Variants in GABPB1 observed in about 807,000 individuals in gnomAD.
GABPB1 encodes GA binding protein transcription factor subunit beta 1.
Under a neutral mutation model 45.9 loss-of-function variants are expected in GABPB1, and 15 were observed. The ratio of observed to expected loss-of-function variants is 0.33; its 90% CI spans 0.22 to 0.50. The LOEUF (loss-of-function observed/expected upper bound fraction) is 0.50, where lower values mean the gene tolerates loss of function less well. Among genes scored for constraint, GABPB1 ranks in the 20% least tolerant of loss-of-function variants. The pLI is 0.98. For synonymous variants in GABPB1, 143 were observed against 154.4 expected (o/e 0.93, Z 0.55); for missense variants, 252 against 457.5 (o/e 0.55, Z 4.10).
intron 1 of GABPB1, among the ~76,000 whole-genome samples, chr15:50,323,446 G>A (rs546407306): frequency 5.3e-5 from 8 of 152,246 alleles, no homozygotes; most frequent in African/African-American, 9.6e-5. Context: ...AAAAAAACAC[G>A]TGCAGAGGCA....
chr15:50,332,597 T>A (rs1011448374), intron 1 of GABPB1, among the ~76,000 whole-genome samples: 2 of 152,104 alleles, frequency 1.3e-5, no homozygotes, highest in Non-Finnish European at 2.9e-5. Flanking sequence ...TATTTATGGG[T>A]TAAATAATGT....
chr15:50,291,422 G>A (rs944733896), intron 6 of GABPB1, among the ~76,000 whole-genome samples: 4 of 151,338 alleles, frequency 2.6e-5, no homozygotes, highest in Non-Finnish European at 4.4e-5. Context: ...GAGTTCAAGC[G>A]ATTCTTCTGC....
Position 50,289,571 on chromosome 15 carries a change from T to C in GABPB1, c.795A>G (p.Thr265=). The C allele has an allele frequency of 1.2e-6, 2 of 1,613,934 alleles. No individual in the cohort carries two copies. Among genetic ancestry groups the C allele is most frequent in the African/African-American group, 2.7e-5 (2 of 75,020 alleles). The change falls in exon 7 of 9, where the codon ACA becomes ACG. Residue 265 remains threonine, a synonymous_variant. Transcript: ENST00000380877. ...SGGQQVITIV[T]DGIQLGNLHS... The stretch of plus-strand genomic sequence containing the variant: ...GCAAATTTCCAAGCTGAATTCCATC[T>C]GTAACTATTGTGATGACTTGCTGAC...
In GABPB1 at chr15:50,309,910, A is replaced by C. The variant is rs538039805; in HGVS notation, c.1-112T>G. On this transcript the variant is annotated intron_variant, in intron 1 of 8. Coordinates refer to ENST00000380877, the MANE Select transcript of GABPB1 (RefSeq NM_016654.5). ...GTCAGTTCTCAATTATCCCTTCAAA[A>C]GAGTGTGCTATGGTTAATTTAAAAT... is the stretch of plus-strand genomic sequence containing the variant. 4.5e-4 allele frequency: 291 copies of C among 642,676 alleles called. 3 individuals are homozygous for C. In the African/African-American group the frequency reaches 4.9e-3, roughly 11 times the overall value. The allele number at this position is 642,676 out of a possible 1,614,324, so 39.8% of individuals were successfully genotyped here. A position where few individuals can be genotyped will look rare whatever the true frequency, so the allele number is the denominator to read the frequency against.
intron 1 of GABPB1, 83 bp from the exon 2 acceptor site, chr15:50,309,881 A>G (rs903759537): frequency 2.5e-6 from 2 of 810,918 alleles, no homozygotes; most frequent in African/African-American, 3.4e-5. Context: ...GTCTTTATTA[A>G]TAAGTCAGTT....
chr15:50,299,833 T>C (rs1220285985), intron 6 of GABPB1, among the ~76,000 whole-genome samples: 3 of 152,108 alleles, frequency 2.0e-5, no homozygotes, highest in Admixed American at 2.0e-4. Context: ...GGTTTTTTTT[T>C]TGAGGCAGGG....
At chr15:50,335,233 T>G (rs940175391) in intron 1 of GABPB1, among the ~76,000 whole-genome samples, 3 of 152,220 alleles carry the variant, frequency 2.0e-5, no homozygotes, top group Non-Finnish European at 4.4e-5. Flanking sequence ...GATATTTGAT[T>G]GGGAGGTAGG....
At chr15:50,322,402 C>A (rs531109761) in intron 1 of GABPB1, among the ~76,000 whole-genome samples, 4 of 150,902 alleles carry the variant, frequency 2.7e-5, no homozygotes, top group African/African-American at 9.8e-5. Flanking sequence ...AAAAATTAGC[C>A]GGGCATGGTG....
chr15:50,316,693 CTAAATA>C (rs2047342157), intron 1 of GABPB1, among the ~76,000 whole-genome samples: 1 of 151,838 alleles, frequency 6.6e-6, no homozygotes, highest in Non-Finnish European at 1.5e-5. Context: ...ATTCAAAAAT[CTAAATA>C]TATCAATACT....
intron 1 of GABPB1, among the ~76,000 whole-genome samples, chr15:50,333,199 C>T (rs1249931662): frequency 2.6e-5 from 4 of 152,158 alleles, no homozygotes; most frequent in Non-Finnish European, 5.9e-5. Context: ...AACATGGTGG[C>T]TCACACCTAC....
chr15:50,304,208 T>C lies in GABPB1; in HGVS notation c.109-75A>G, dbSNP rs560334394. 47 of 1,221,982 alleles carry C rather than the reference T, an allele frequency of 3.8e-5. No homozygotes were observed. The African/African-American group carries it at 7.0e-4, about 18-fold the overall frequency. The allele number at this position is 1,221,982 out of a possible 1,614,324, so 75.7% of individuals were successfully genotyped here. On this transcript the variant is annotated intron_variant, in intron 2 of 8. Transcript: ENST00000380877. The stretch of plus-strand genomic sequence containing the variant: ...ACTTCTGTTTATATAGTAAACAGAT[T>C]TTCTTTACATTATCTGTTTACATAG...
chr15:50,309,894 C>T (rs1339567684), intron 1 of GABPB1, 96 bp from the exon 2 acceptor site: 2 of 725,894 alleles, frequency 2.8e-6, no homozygotes, highest in African/African-American at 3.5e-5. Context: ...AGTCAGTTCT[C>T]AATTATCCCT....
At chr15:50,314,652 A>G (rs999371340) in intron 1 of GABPB1, 2 of 152,262 alleles carry the variant, frequency 1.3e-5, no homozygotes, top group Non-Finnish European at 2.9e-5. Context: ...CTAGAGGTCC[A>G]GCAAAGGAGG....
chr15:50,334,459 C>T (rs796637025), intron 1 of GABPB1, among the ~76,000 whole-genome samples: 6 of 150,654 alleles, frequency 4.0e-5, no homozygotes, highest in African/African-American at 9.7e-5. Context: ...CTGCAAATTG[C>T]ATCATTAAGT....
intron 1 of GABPB1, chr15:50,352,102 AAC>A (rs1335011093): frequency 6.6e-6 from 1 of 152,166 alleles, no homozygotes; most frequent in African/African-American, 2.4e-5. Context: ...GCTACTTGCA[AAC>A]AGAGACTGGG....
intron 1 of GABPB1, among the ~76,000 whole-genome samples, chr15:50,338,015 A>AAATT (rs1275108560): frequency 1.3e-5 from 2 of 152,132 alleles, no homozygotes; most frequent in African/African-American, 4.8e-5. Context: ...TTTAAACTCT[A>AAATT]AATTATATAG....
At chr15:50,334,030 CAAAA>C (rs34377380) in intron 1 of GABPB1, among the ~76,000 whole-genome samples, 1 of 125,634 alleles carries the variant, frequency 8.0e-6, no homozygotes. Flanking sequence ...AACTCGATCT[CAAAA>C]AAAAAAAAAA....
At chr15:50,337,126 T>C (rs1229445976) in intron 1 of GABPB1, among the ~76,000 whole-genome samples, 2 of 7,842 alleles carry the variant, frequency 2.6e-4, no homozygotes, top group Admixed American at 1.8e-3. Context: ...TATATATATA[T>C]ATAATATGAA....
Position 50,302,554 on chromosome 15 carries a change from G to A in GABPB1, c.471+375C>T, listed in dbSNP as rs1291243074. On this transcript the variant is annotated intron_variant, in intron 4 of 8. Coordinates refer to ENST00000380877, the MANE Select transcript of GABPB1 (RefSeq NM_016654.5). Reference sequence around the variant, plus strand: ...AGCTATTTGAGAGGCTGGGGCAGGAGAATTGCTTGAACCCAGGAGGCAGAA... The same window carrying A: ...AGCTATTTGAGAGGCTGGGGCAGGAAAATTGCTTGAACCCAGGAGGCAGAA... 6.5e-5 allele frequency among the ~76,000 whole-genome samples: 9 copies of A among 138,912 alleles called. No homozygotes were observed. The South Asian group carries it at 1.2e-3, about 19-fold the overall frequency. The allele number at this position is 138,912 out of a possible 152,430, so 91.1% of individuals were successfully genotyped here. A position where few individuals can be genotyped will look rare whatever the true frequency, so the allele number is the denominator to read the frequency against.
Sources: allele counts gnomAD v4.1 joint callset (sites outside exome capture counted in the v4.1 genomes callset), GRCh38; gene constraint gnomAD v4.1.1; transcripts MANE v1.5; gene names NCBI Gene and HGNC (gene_info 2026-07-23, HGNC 2026-07-21).